Variants in LTF observed in about 807,000 individuals in gnomAD.
The protein encoded by LTF is lactotransferrin.
Under a neutral mutation model 87.2 loss-of-function variants are expected in LTF, and 91 were observed. The ratio of observed to expected loss-of-function variants is 1.04; its 90% CI spans 0.88 to 1.24. LTF has a LOEUF of 1.24. Among genes scored for constraint, LTF ranks in the 50% most tolerant of loss-of-function variants. The pLI is 0.00. For missense variants in LTF, 901 were observed against 904.3 expected (o/e 1.00, Z 0.05); for synonymous variants, 378 against 356.1 (o/e 1.06, Z -0.69).
chr3:46,460,583 G>A (rs115892761), intron 1 of LTF: 1 of 455,590 alleles, frequency 2.2e-6, no homozygotes, highest in South Asian at 1.6e-5. Flanking sequence ...CTGATAAAAG[G>A]CATCCACAAA....
rs756609751 is a variant in LTF at position 46,436,189 on chromosome 3, T to A, written c.*6A>T. On this transcript the variant is annotated 3_prime_UTR_variant, in exon 17 of 17. Coordinates refer to ENST00000231751, the MANE Select transcript of LTF (RefSeq NM_002343.6). The stretch of plus-strand genomic sequence containing the variant: ...TTCTTGGGGAGCTGGGCCATCTTCT[T>A]CGGTTTTACTTCCTGAGGAATTCAC... 5.0e-6 allele frequency: 8 copies of A among 1,614,034 alleles called. No individual in the cohort carries two copies. Among genetic ancestry groups the A allele is most frequent in the Non-Finnish European group, 5.9e-6 (7 of 1,179,990 alleles).
intron 1 of LTF, among the ~76,000 whole-genome samples, chr3:46,462,202 C>T (rs572255713): frequency 2.0e-5 from 3 of 152,168 alleles, no homozygotes; most frequent in Non-Finnish European, 4.4e-5. Flanking sequence ...CTGTGTGTCA[C>T]GCAAGGAATG....
chr3:46,449,286 G>A (rs781718511), intron 8 of LTF, among the ~76,000 whole-genome samples: 12 of 152,214 alleles, frequency 7.9e-5, no homozygotes, highest in Non-Finnish European at 1.3e-4. Flanking sequence ...GTCAGGAGGC[G>A]CCTATTGTCT....
intron 14 of LTF, among the ~76,000 whole-genome samples, chr3:46,440,060 G>T (rs1302018264): frequency 6.6e-6 from 1 of 152,248 alleles, no homozygotes; most frequent in Non-Finnish European, 1.5e-5. Context: ...GTTTCTTTAT[G>T]GGAGGATACA....
intron 11 of LTF, 146 bp from the exon 12 acceptor site, chr3:46,445,582 G>A (rs1020282912): frequency 8.0e-6 from 5 of 625,286 alleles, no homozygotes; most frequent in Non-Finnish European, 1.4e-5. Flanking sequence ...GCCTTTTTAG[G>A]TAGACCGAGA....
In LTF at chr3:46,439,408, C is replaced by A; in HGVS notation, c.1796G>T (p.Arg599Leu). 6.2e-7 allele frequency: 1 copy of A among 1,614,232 alleles called. No individual in the cohort carries two copies. Among genetic ancestry groups the A allele is most frequent in the Non-Finnish European group, 8.5e-7 (1 of 1,180,040 alleles). The change falls in exon 15 of 17, where the codon CGG becomes CTG. Residue 599 changes from arginine (R) to leucine (L), a missense_variant. By Grantham distance (102) the Arg-to-Leu change is moderately radical. Coordinates refer to ENST00000231751, the MANE Select transcript of LTF (RefSeq NM_002343.6). ...GCTTCTAGCCTCAGTCACAGGCTTCCGTTTGCCATCGAGGCACAGCAGCGC... is the reference window on the plus strand; with the variant it reads ...GCTTCTAGCCTCAGTCACAGGCTTCAGTTTGCCATCGAGGCACAGCAGCGC... ...DFALLCLDGK[R>L]KPVTEARSCH...
chr3:46,473,698 A>G (rs1241023458), intron 1 of LTF, among the ~76,000 whole-genome samples: 1 of 152,006 alleles, frequency 6.6e-6, no homozygotes, highest in African/African-American at 2.4e-5. Flanking sequence ...TTACATCTCC[A>G]TCTCACACTC....
At chr3:46,441,240 A>G (rs1702508814) in intron 14 of LTF, among the ~76,000 whole-genome samples, 176 bp downstream of exon 14, 1 of 152,148 alleles carries the variant, frequency 6.6e-6, no homozygotes, top group Admixed American at 6.5e-5. Flanking sequence ...TTCAAAATCC[A>G]TATGACACCT....
chr3:46,473,286 T>G (rs1575327704), intron 1 of LTF, among the ~76,000 whole-genome samples: 1 of 152,304 alleles, frequency 6.6e-6, no homozygotes, highest in East Asian at 1.9e-4. Flanking sequence ...ATTAATACCT[T>G]CTCTGTGCTG....
At chr3:46,467,774 C>A, upstream of LTF, among the ~76,000 whole-genome samples, 1 of 151,836 alleles carries the variant, frequency 6.6e-6, no homozygotes, top group East Asian at 1.9e-4. Flanking sequence ...CCTTGGCCTC[C>A]CAAAGTGCTG....
At chr3:46,457,245 C>T (rs1328236245) in intron 2 of LTF, among the ~76,000 whole-genome samples, 1 of 152,218 alleles carries the variant, frequency 6.6e-6, no homozygotes, top group Non-Finnish European at 1.5e-5. Context: ...AAACTGGATA[C>T]ATTTTCTAAC....
intron 1 of LTF, among the ~76,000 whole-genome samples, chr3:46,464,258 C>G (rs1256058169): frequency 2.0e-5 from 3 of 152,174 alleles, no homozygotes; most frequent in Non-Finnish European, 4.4e-5. Flanking sequence ...CTCTCAAACC[C>G]TCTGACACAG....
At chr3:46,453,327 T>C (rs1179285739) in intron 6 of LTF, among the ~76,000 whole-genome samples, 1 of 152,218 alleles carries the variant, frequency 6.6e-6, no homozygotes, top group Non-Finnish European at 1.5e-5. Context: ...AAAATACTTC[T>C]AACTGAAGTT....
intron 3 of LTF, 114 bp downstream of exon 3, chr3:46,456,176 A>G: frequency 1.0e-6 from 1 of 999,740 alleles, no homozygotes; most frequent in Non-Finnish European, 1.5e-6. Context: ...TCCATTCCCT[A>G]CATGTGTGAT....
chr3:46,459,755 T>C lies in LTF; in HGVS notation c.108A>G (p.Thr36=), dbSNP rs763751101. The C allele has an allele frequency of 6.3e-7, 1 of 1,580,424 alleles. No homozygotes were observed. The change falls in exon 2 of 17, where the codon ACA becomes ACG. Residue 36 remains threonine, a synonymous_variant. Transcript: ENST00000231751. The part of the protein sequence containing the change: ...QWCAVSQPEA[T]KCFQWQRNMR... Reference sequence around the variant, plus strand: ...TATTCCTTTGCCATTGGAAGCATTTTGTGGCCTCGGGTTGGGATACGGCGC... The same window carrying C: ...TATTCCTTTGCCATTGGAAGCATTTCGTGGCCTCGGGTTGGGATACGGCGC...
upstream of LTF, chr3:46,468,140 G>C (rs914714595): frequency 1.1e-5 from 5 of 454,548 alleles, no homozygotes; most frequent in African/African-American, 1.0e-4. Flanking sequence ...AACAGGCTAA[G>C]AAAGGGACAA....
intron 1 of LTF, among the ~76,000 whole-genome samples, chr3:46,477,181 C>A (rs1703369873): frequency 6.6e-6 from 1 of 152,216 alleles, no homozygotes; most frequent in African/African-American, 2.4e-5. Flanking sequence ...CTGTCTTTTT[C>A]ATTTCAGCCA....
upstream of LTF, among the ~76,000 whole-genome samples, chr3:46,469,054 G>T (rs1703250521): frequency 6.6e-6 from 1 of 152,126 alleles, no homozygotes; most frequent in South Asian, 2.1e-4. Flanking sequence ...AGAGAAATAG[G>T]ATAATAATCT....
At chr3:46,458,066 G>A (rs2106888355) in intron 2 of LTF, among the ~76,000 whole-genome samples, 1 of 152,174 alleles carries the variant, frequency 6.6e-6, no homozygotes, top group Non-Finnish European at 1.5e-5. Context: ...TTACAGATGT[G>A]AGCCACCACG....
Sources: gnomAD v4.1 joint callset for allele counts (sites outside exome capture counted in the v4.1 genomes callset) on GRCh38, gnomAD v4.1.1 for gene constraint, MANE v1.5 for transcripts, NCBI Gene and HGNC (gene_info 2026-07-23, HGNC 2026-07-21) for gene names.